MYO9B: variants seen among roughly 807,000 people sequenced by gnomAD.
MYO9B encodes the protein unconventional myosin-IXb.
In MYO9B, 71 loss-of-function variants were observed where a neutral mutation model predicts 229.5. That is an observed-to-expected ratio of 0.31 (90% CI 0.26 to 0.38). The LOEUF is 0.38. Ranked by LOEUF, MYO9B falls within the 10% of genes least tolerant of loss-of-function variation. MYO9B has a pLI of 1.00. For missense variants in MYO9B, 2,255 were observed against 2,920.5 expected, an observed-to-expected ratio of 0.77 and a Z score of 5.25; for synonymous variants, 1,185 against 1,235.8, an observed-to-expected ratio of 0.96 and a Z score of 0.86.
chr19:17,077,439 C>T (rs577469837), intron 1 of MYO9B, among the ~76,000 whole-genome samples: 51 of 152,212 alleles, frequency 3.4e-4, no homozygotes, highest in Non-Finnish European at 6.5e-4. Context: ...TGACAGCCCA[C>T]AGTCATGCCT....
intron 2 of MYO9B, among the ~76,000 whole-genome samples, chr19:17,129,616 G>A (rs35524620): frequency 0.026 from 3,998 of 152,272 alleles, 81 homozygotes; most frequent in Non-Finnish European, 0.041. Context: ...GAGGGAGGGC[G>A]GCAGACCTTT....
chr19:17,185,091 A>G, intron 17 of MYO9B, 104 bp downstream of exon 17: 1 of 1,535,466 alleles, frequency 6.5e-7, no homozygotes, highest in South Asian at 1.2e-5. Context: ...AAATACAAAA[A>G]TTGGCCGGGC....
chr19:17,126,976 A>G (rs1197860409), intron 2 of MYO9B, among the ~76,000 whole-genome samples: 5 of 102,754 alleles, frequency 4.9e-5, no homozygotes, highest in African/African-American at 2.0e-4. Context: ...GAGCCACCAC[A>G]CCCACCCGAT....
chr19:17,140,646 G>T (rs2072327740), intron 2 of MYO9B, among the ~76,000 whole-genome samples: 1 of 151,800 alleles, frequency 6.6e-6, no homozygotes, highest in Admixed American at 6.6e-5. Flanking sequence ...GTACCACCAT[G>T]CCCGGCTAAT....
intron 2 of MYO9B, among the ~76,000 whole-genome samples, chr19:17,104,547 CAG>C (rs991013492): frequency 8.5e-5 from 13 of 152,164 alleles, no homozygotes; most frequent in African/African-American, 2.9e-4. Flanking sequence ...CGTGTGGCCT[CAG>C]GGGTCTGCAC....
At chr19:17,088,393 C>T (rs982158586) in intron 1 of MYO9B, among the ~76,000 whole-genome samples, 3 of 152,200 alleles carry the variant, frequency 2.0e-5, no homozygotes, top group Non-Finnish European at 4.4e-5. Flanking sequence ...CTGAGGTTCG[C>T]GGTAAGCATG....
chr19:17,105,615 G>GC lies in MYO9B; in HGVS notation c.840+3063dup, dbSNP rs1391966688. On this transcript the variant is annotated intron_variant, in intron 2 of 39. Coordinates refer to ENST00000682292, the MANE Select transcript of MYO9B (RefSeq NM_004145.4). Reference sequence around the variant, plus strand: ...TTTCTTCACACGTAGGATCCTGAGAGCCCCCTCAGTGGAGAGAGGGAGTTG... The same window carrying GC: ...TTTCTTCACACGTAGGATCCTGAGAGCCCCCCTCAGTGGAGAGAGGGAGTTG... Among the ~76,000 whole-genome samples the GC allele has an allele frequency of 2.0e-5, 3 of 152,222 alleles. No homozygotes were observed. In the East Asian group the frequency reaches 5.8e-4, roughly 29 times the overall value.
chr19:17,165,738 G>T (rs73504437), intron 10 of MYO9B, among the ~76,000 whole-genome samples: 3,513 of 152,154 alleles, frequency 0.023, 141 homozygotes, highest in African/African-American at 0.078. Flanking sequence ...TCGCACCGCT[G>T]CACTCCAATG....
In MYO9B at chr19:17,211,626, C is replaced by T. The variant is rs747023675; in HGVS notation, c.5931-21C>T. ...ACTTCCGGTGGGGTGGCCTTGGACA[C>T]CACTACCCTTTTTCCTCCAGGGAGG... On this transcript the variant is annotated intron_variant, in intron 38 of 39. Transcript: ENST00000682292. The T allele has an allele frequency of 1.3e-5, 20 of 1,583,070 alleles. No homozygotes were observed. In the Admixed American group the frequency reaches 3.4e-4, roughly 27 times the overall value.
In MYO9B at chr19:17,085,661, T is replaced by TA. The variant is rs71180356; in HGVS notation, c.-59+9802dup. 2.3e-3 allele frequency among the ~76,000 whole-genome samples: 325 copies of TA among 142,168 alleles called. 2 individuals carry two copies. The highest frequency in any genetic ancestry group is 0.013 in the East Asian group (61 of 4,766). 93.3% of individuals were successfully genotyped at this position (142,168 alleles called of 152,430 possible). On this transcript the variant is annotated intron_variant, in intron 1 of 39. Coordinates refer to ENST00000682292, the MANE Select transcript of MYO9B (RefSeq NM_004145.4). ...CAACATAGGGAGATCCCGTCTTTAA[T>TA]AAAAAAAAAAAAAAATTGAAAAATT...
intron 6 of MYO9B, 36 bp from the exon 7 acceptor site, chr19:17,156,873 G>A: frequency 6.3e-7 from 1 of 1,599,102 alleles, no homozygotes; most frequent in Non-Finnish European, 8.5e-7. Flanking sequence ...TAGGAACGTA[G>A]AAACTACCCA....
At position 17,172,258 on chromosome 19, in the gene MYO9B, G is replaced by T; in HGVS notation, c.1794-78G>T. The T allele has an allele frequency of 6.5e-7, 1 of 1,530,354 alleles. No individual in the cohort carries two copies. The highest frequency in any genetic ancestry group is 8.8e-7 in the Non-Finnish European group (1 of 1,131,434). 94.8% of individuals were successfully genotyped at this position (1,530,354 alleles called of 1,614,324 possible). On this transcript the variant is annotated intron_variant, in intron 11 of 39. Transcript: ENST00000682292. The surrounding 1 kb of genome is among the most constrained non-coding windows in gnomAD (Gnocchi z 8.2). ...ATGCACCCACCCACCTCGTGCACCA[G>T]GGGTCTGCAAGATAAAATACACAGC...
intron 34 of MYO9B, 147 bp downstream of exon 34, chr19:17,206,931 A>G (rs943935888): frequency 4.9e-6 from 6 of 1,228,372 alleles, no homozygotes; most frequent in Non-Finnish European, 5.8e-6. Context: ...GGAGGGGGCC[A>G]GGCTGCTGGG....
At chr19:17,086,520 C>CT (rs2057585104) in intron 1 of MYO9B, among the ~76,000 whole-genome samples, 1 of 152,220 alleles carries the variant, frequency 6.6e-6, no homozygotes, top group South Asian at 2.1e-4. Context: ...CTGTGGGACA[C>CT]TGAGTGGCAT....
intron 35 of MYO9B, 54 bp from the exon 36 acceptor site, chr19:17,209,532 A>C (rs1172846618): frequency 6.5e-7 from 1 of 1,540,990 alleles, no homozygotes; most frequent in Non-Finnish European, 8.8e-7. Context: ...CCTGGACCTC[A>C]GACGTCCCCG....
chr19:17,146,626 A>G (rs886164876), intron 3 of MYO9B, among the ~76,000 whole-genome samples: 1 of 152,082 alleles, frequency 6.6e-6, no homozygotes, highest in East Asian at 1.9e-4. Context: ...TCATAGATGG[A>G]TGAGTAGATT....
rs753999910 is a variant in MYO9B at position 17,187,920 on chromosome 19, G to A, written c.2578-15G>A. ...GTCAAGGCCACCTGCCTGATGTCTCGCATTCCCATTTCAGAAAGAGCTGTG... is the reference window on the plus strand; with the variant it reads ...GTCAAGGCCACCTGCCTGATGTCTCACATTCCCATTTCAGAAAGAGCTGTG... On this transcript the variant is annotated splice_polypyrimidine_tract_variant and intron_variant, in intron 18 of 39. Coordinates refer to ENST00000682292, the MANE Select transcript of MYO9B (RefSeq NM_004145.4). 192 of 1,563,470 alleles carry A rather than the reference G, an allele frequency of 1.2e-4. No homozygotes were observed. Among genetic ancestry groups the A allele is most frequent in the Non-Finnish European group, 1.6e-4 (183 of 1,153,664 alleles).
intron 1 of MYO9B, among the ~76,000 whole-genome samples, chr19:17,084,734 A>G (rs2057566622): frequency 6.6e-6 from 1 of 151,720 alleles, no homozygotes; most frequent in African/African-American, 2.4e-5. Flanking sequence ...AGAAAAAAAG[A>G]AAAACACACA....
At chr19:17,087,303 G>C (rs73518843) in intron 1 of MYO9B, among the ~76,000 whole-genome samples, 4,065 of 152,146 alleles carry the variant, frequency 0.027, 185 homozygotes, top group African/African-American at 0.093. Flanking sequence ...TTTCTCCAGG[G>C]CGTGGGGTTT....
Sources: gnomAD v4.1 joint callset for allele counts (sites outside exome capture counted in the v4.1 genomes callset) on GRCh38, gnomAD v4.1.1 for gene constraint, Gnocchi (gnomAD v3.1) non-coding constraint, MANE v1.5 for transcripts, NCBI Gene and HGNC (gene_info 2026-07-23, HGNC 2026-07-21) for gene names.